The following VRK2 variants were observed in gnomAD, a reference collection of about 807,000 sequenced individuals.
The protein encoded by VRK2 is VRK serine/threonine kinase 2.
A neutral mutation model predicts 57.6 loss-of-function variants in VRK2; 60 were observed. The observed-to-expected ratio is 1.04, with a 90% CI of 0.85 to 1.29. VRK2 has a LOEUF of 1.29. Among genes scored for constraint, VRK2 ranks in the 50% most tolerant of loss-of-function variants. The pLI is 0.00. For synonymous variants in VRK2, 231 were observed against 199.2 expected (o/e 1.16, Z -1.35); for missense variants, 705 against 588.1 (o/e 1.20, Z -2.06).
intron 1 of VRK2, among the ~76,000 whole-genome samples, chr2:57,973,522 C>T (rs560687108): frequency 3.2e-4 from 48 of 151,790 alleles, no homozygotes; most frequent in East Asian, 7.7e-4. Flanking sequence ...TTCTATATAA[C>T]GAATTCTTTT....
intron 12 of VRK2, among the ~76,000 whole-genome samples, chr2:58,149,247 C>A (rs1042937270): frequency 2.6e-5 from 4 of 151,318 alleles, no homozygotes; most frequent in Non-Finnish European, 4.4e-5. Context: ...TTAAAATTAT[C>A]TCTAAATATT....
At chr2:58,097,384 A>G (rs964639096) in intron 7 of VRK2, among the ~76,000 whole-genome samples, 1 of 151,106 alleles carries the variant, frequency 6.6e-6, no homozygotes, top group South Asian at 2.1e-4. Flanking sequence ...ATCTTGTTTT[A>G]TGTGTTTTTT....
chr2:58,003,428 T>C (rs1161295085), intron 1 of VRK2, among the ~76,000 whole-genome samples: 2 of 152,158 alleles, frequency 1.3e-5, no homozygotes, highest in Admixed American at 1.3e-4. Flanking sequence ...TTTTTTAAAA[T>C]TCATGAATAT....
At chr2:58,135,905 G>A (rs745381516) in intron 10 of VRK2, among the ~76,000 whole-genome samples, 4 of 152,142 alleles carry the variant, frequency 2.6e-5, no homozygotes, top group Non-Finnish European at 2.9e-5. Context: ...GAAAAAGCCA[G>A]TGCCCACTAT....
chr2:57,980,431 G>C (rs534989692), intron 1 of VRK2, among the ~76,000 whole-genome samples: 1 of 152,102 alleles, frequency 6.6e-6, no homozygotes, highest in African/African-American at 2.4e-5. Context: ...TTTTGAATTT[G>C]TTGAGAATTG....
intron 2 of VRK2, among the ~76,000 whole-genome samples, chr2:58,053,149 C>G (rs535361476): frequency 6.6e-6 from 1 of 152,204 alleles, no homozygotes; most frequent in African/African-American, 2.4e-5. Context: ...ACTCTTCGAT[C>G]TACTGCAGAT....
upstream of VRK2, among the ~76,000 whole-genome samples, chr2:58,045,002 C>A (rs753511092): frequency 6.6e-6 from 1 of 152,146 alleles, no homozygotes; most frequent in Non-Finnish European, 1.5e-5. Context: ...AAACCCCCAA[C>A]AAAGAATTAT....
rs144202229 is a variant in VRK2, at chr2:57,938,768, T to C, written c.-439+30929T>C. Reference sequence around the variant, plus strand: ...TAGTCAATGGAGACAAGATGAGAGATGTATGCATATAAACCTGAAGATCAT... The same window carrying C: ...TAGTCAATGGAGACAAGATGAGAGACGTATGCATATAAACCTGAAGATCAT... On this transcript the variant is annotated intron_variant, in intron 1 of 15. Transcript: ENST00000417641. Among the ~76,000 whole-genome samples, 1,117 of 152,240 alleles carry C rather than the reference T, an allele frequency of 7.3e-3. 17 individuals are homozygous for C. Among genetic ancestry groups the C allele is most frequent in the African/African-American group, 0.025 (1,019 of 41,538 alleles).
intron 1 of VRK2, among the ~76,000 whole-genome samples, chr2:57,928,594 G>C (rs1670618794): frequency 6.6e-6 from 1 of 151,978 alleles, no homozygotes; most frequent in Non-Finnish European, 1.5e-5. Flanking sequence ...TGATGCTTGT[G>C]GATATTTGTC....
intron 9 of VRK2, among the ~76,000 whole-genome samples, chr2:58,132,648 G>A (rs1242234079): frequency 6.6e-6 from 1 of 152,096 alleles, no homozygotes; most frequent in Non-Finnish European, 1.5e-5. Context: ...TTATCCACAG[G>A]TAGCAAAAGC....
At chr2:57,998,723 C>A (rs1163220208) in intron 1 of VRK2, among the ~76,000 whole-genome samples, 3 of 152,130 alleles carry the variant, frequency 2.0e-5, no homozygotes, top group Non-Finnish European at 2.9e-5. Context: ...GAATAAGAGA[C>A]CTAAAATAAT....
At chr2:58,137,014 ATATC>A (rs1419773960) in intron 10 of VRK2, among the ~76,000 whole-genome samples, 5 of 132,790 alleles carry the variant, frequency 3.8e-5, no homozygotes, top group Non-Finnish European at 6.1e-5. Flanking sequence ...TATATTATAT[ATATC>A]TCATATGTGT....
intron 1 of VRK2, among the ~76,000 whole-genome samples, chr2:57,955,248 A>C (rs1224981182): frequency 6.6e-6 from 1 of 152,208 alleles, no homozygotes; most frequent in African/African-American, 2.4e-5. Context: ...CAACACTATG[A>C]AAAATAATGA....
chr2:57,959,005 A>G (rs948115435), intron 1 of VRK2, among the ~76,000 whole-genome samples: 2 of 152,232 alleles, frequency 1.3e-5, no homozygotes, highest in Non-Finnish European at 1.5e-5. Context: ...TGTGTAGCAT[A>G]TTACTATCTA....
chr2:58,119,900 T>A (rs908198048), intron 7 of VRK2, among the ~76,000 whole-genome samples: 1 of 152,052 alleles, frequency 6.6e-6, no homozygotes, highest in Non-Finnish European at 1.5e-5. Flanking sequence ...TTCATTTTGC[T>A]AAAGGAGTCT....
intron 9 of VRK2, among the ~76,000 whole-genome samples, chr2:58,132,529 G>A (rs536997153): frequency 1.3e-5 from 2 of 152,172 alleles, no homozygotes; most frequent in Non-Finnish European, 2.9e-5. Flanking sequence ...AGAACAGGGT[G>A]TGTTACTGTT....
intron 7 of VRK2, among the ~76,000 whole-genome samples, chr2:58,092,675 T>A (rs1384566708): frequency 1.3e-5 from 2 of 152,174 alleles, no homozygotes; most frequent in Admixed American, 6.5e-5. Flanking sequence ...TTCATTTTTT[T>A]TTCCATACTT....
At chr2:57,927,234 G>C (rs186292325) in intron 1 of VRK2, among the ~76,000 whole-genome samples, 341 of 150,686 alleles carry the variant, frequency 2.3e-3, no homozygotes, top group Middle Eastern at 3.5e-3. Context: ...CCTATGTCTT[G>C]AAAAGTTGTT....
chr2:58,137,493 A>G (rs1680715997), intron 10 of VRK2, among the ~76,000 whole-genome samples: 1 of 151,894 alleles, frequency 6.6e-6, no homozygotes, highest in African/African-American at 2.4e-5. Context: ...TATTGAATCC[A>G]TACTATTATT....
Sources: allele counts gnomAD v4.1 joint callset (sites outside exome capture counted in the v4.1 genomes callset), GRCh38; gene constraint gnomAD v4.1.1; transcripts MANE v1.5; gene names NCBI Gene and HGNC (gene_info 2026-07-23, HGNC 2026-07-21).